Variants in NEBL observed in about 807,000 individuals in gnomAD.
NEBL encodes nebulette.
Under a neutral mutation model 140.2 loss-of-function variants are expected in NEBL, and 122 were observed. The observed-to-expected ratio is 0.87, with a 90% CI of 0.75 to 1.01. The LOEUF (loss-of-function observed/expected upper bound fraction) is 1.01, where lower values mean the gene tolerates loss of function less well. Ranked by LOEUF, NEBL falls within the 50% of genes least tolerant of loss-of-function variation. NEBL has a pLI of 0.00. For synonymous variants in NEBL, 436 were observed against 398.9 expected (o/e 1.09, Z -1.11); for missense variants, 1,365 against 1,231.3 (o/e 1.11, Z -1.62).
intron 3 of NEBL, among the ~76,000 whole-genome samples, chr10:20,986,884 T>G (rs1201785021): frequency 6.6e-6 from 1 of 152,196 alleles, no homozygotes; most frequent in East Asian, 1.9e-4. Flanking sequence ...CAGGAACTTC[T>G]TTTCTTCTTT....
At chr10:20,871,066 TA>T (rs1047763779) in intron 5 of NEBL, among the ~76,000 whole-genome samples, 10 of 152,340 alleles carry the variant, frequency 6.6e-5, no homozygotes, top group African/African-American at 2.2e-4. Context: ...TATATTCTAT[TA>T]AAGTCATAAT....
intron 2 of NEBL, among the ~76,000 whole-genome samples, chr10:21,157,142 T>TG: frequency 6.6e-6 from 1 of 152,118 alleles, no homozygotes; most frequent in Non-Finnish European, 1.5e-5. Context: ...ATCACAAAGA[T>TG]ATGCATGTCA....
intron 1 of NEBL, among the ~76,000 whole-genome samples, chr10:21,290,881 A>G (rs1229415844): frequency 6.6e-6 from 1 of 152,104 alleles, no homozygotes; most frequent in East Asian, 1.9e-4. Context: ...ATAGTTTTGC[A>G]CGGCTCCCAT....
In NEBL at chr10:21,173,577, C is replaced by T. The variant is rs1392431293; in HGVS notation, c.69+188G>A. Among the ~76,000 whole-genome samples the T allele has an allele frequency of 3.3e-5, 5 of 152,308 alleles. No homozygotes were observed. Among genetic ancestry groups the T allele is most frequent in the Admixed American group, 3.3e-4 (5 of 15,312 alleles). On this transcript the variant is annotated intron_variant, in intron 1 of 6. Transcript: ENST00000417816. The surrounding 1 kb of genome is among the most constrained non-coding windows in gnomAD (Gnocchi z 5.7). ...CAAAAGCCCTTCCCGGTTCCAACAT[C>T]ACAATCGCCAAGCGTGGTCTCTGAC...
chr10:21,137,416 T>G (rs548297821), intron 2 of NEBL, among the ~76,000 whole-genome samples: 1 of 152,324 alleles, frequency 6.6e-6, no homozygotes, highest in East Asian at 1.9e-4. Flanking sequence ...CATTTATAAC[T>G]CTGAAAAACT....
At chr10:21,237,956 C>A (rs1842382420) in intron 3 of NEBL, among the ~76,000 whole-genome samples, 1 of 152,190 alleles carries the variant, frequency 6.6e-6, no homozygotes, top group Admixed American at 6.5e-5. Context: ...AGTTTTCTTG[C>A]CTTAGACCCC....
intron 2 of NEBL, chr10:21,029,330 C>A (rs1192490178): frequency 3.1e-6 from 5 of 1,610,652 alleles, no homozygotes; most frequent in Non-Finnish European, 4.2e-6. Flanking sequence ...ACAGAAGAGT[C>A]AATTAAGGAA....
chr10:21,205,247 G>A (rs1841808061), intron 3 of NEBL, among the ~76,000 whole-genome samples: 1 of 152,192 alleles, frequency 6.6e-6, no homozygotes, highest in African/African-American at 2.4e-5. Flanking sequence ...TGCCCCAAAT[G>A]TGTAGCAAAA....
At chr10:20,913,508 A>T (rs1464393821) in intron 4 of NEBL, among the ~76,000 whole-genome samples, 1 of 152,200 alleles carries the variant, frequency 6.6e-6, no homozygotes, top group Non-Finnish European at 1.5e-5. Flanking sequence ...TATCTGCATT[A>T]AGAGGTTTTA....
intron 2 of NEBL, among the ~76,000 whole-genome samples, chr10:21,167,768 A>G (rs568530402): frequency 3.3e-5 from 5 of 152,376 alleles, no homozygotes; most frequent in Non-Finnish European, 7.3e-5. Context: ...ACATAGAAAT[A>G]TTAGCTATGT....
At chr10:20,921,311 C>T (rs1049243383) in intron 4 of NEBL, among the ~76,000 whole-genome samples, 2 of 152,166 alleles carry the variant, frequency 1.3e-5, no homozygotes, top group Non-Finnish European at 2.9e-5. Flanking sequence ...CATTATTCCT[C>T]CCCTGCCCTG....
At chr10:20,912,405 C>T (rs1848367119) in intron 4 of NEBL, among the ~76,000 whole-genome samples, 1 of 152,148 alleles carries the variant, frequency 6.6e-6, no homozygotes, top group Non-Finnish European at 1.5e-5. Flanking sequence ...GCGCTACGAT[C>T]GTGCCACTGC....
chr10:21,084,011 T>TG (rs1425993501), intron 2 of NEBL, among the ~76,000 whole-genome samples: 2 of 152,162 alleles, frequency 1.3e-5, no homozygotes, highest in African/African-American at 4.8e-5. Flanking sequence ...ATTGTCATCT[T>TG]GGGAAAAAAA....
rs118012287 is a variant in NEBL at position 21,156,751 on chromosome 10, A to G, written c.164+15632T>C. ...AAGTGAAGCTATCTGAGAAACTTTC[A>G]TGAGAAAATTAATAATTAAATTCTG... On this transcript the variant is annotated intron_variant, in intron 2 of 6. Coordinates refer to the NEBL transcript ENST00000417816. Among the ~76,000 whole-genome samples the G allele has an allele frequency of 2.2e-3, 331 of 152,368 alleles. 13 individuals are homozygous for G. The East Asian group carries it at 0.057, about 26-fold the overall frequency.
At chr10:20,906,731 A>T (rs954125990) in intron 4 of NEBL, among the ~76,000 whole-genome samples, 1 of 152,106 alleles carries the variant, frequency 6.6e-6, no homozygotes, top group Admixed American at 6.5e-5. Context: ...AATGAATTAT[A>T]ACAAATATAA....
At chr10:21,151,881 T>C (rs945661954) in intron 2 of NEBL, among the ~76,000 whole-genome samples, 2 of 152,158 alleles carry the variant, frequency 1.3e-5, no homozygotes, top group African/African-American at 2.4e-5. Flanking sequence ...ATAGAACATA[T>C]CCGTTTCTAA....
chr10:20,824,041 A>G (rs1441243117), intron 18 of NEBL, among the ~76,000 whole-genome samples: 1 of 152,182 alleles, frequency 6.6e-6, no homozygotes, highest in Non-Finnish European at 1.5e-5. Flanking sequence ...ATGGTAATAC[A>G]AGCATACAGT....
intron 3 of NEBL, among the ~76,000 whole-genome samples, chr10:21,229,723 A>C (rs1842219174): frequency 6.6e-6 from 1 of 152,228 alleles, no homozygotes; most frequent in African/African-American, 2.4e-5. Context: ...CGACAGGAGC[A>C]GATGGGCCTA....
chr10:21,210,538 A>G (rs972822), intron 3 of NEBL, among the ~76,000 whole-genome samples: 1,833 of 152,370 alleles, frequency 0.012, 21 homozygotes, highest in Non-Finnish European at 0.019. Context: ...CATTGCTGCC[A>G]TTTTTAAGGA....
Sources: allele counts gnomAD v4.1 joint callset (sites outside exome capture counted in the v4.1 genomes callset), GRCh38; gene constraint gnomAD v4.1.1; non-coding constraint Gnocchi (gnomAD v3.1); transcripts MANE v1.5; gene names NCBI Gene and HGNC (gene_info 2026-07-23, HGNC 2026-07-21).